CPED1: variants seen among roughly 807,000 people sequenced by gnomAD.
The protein encoded by CPED1 is cadherin-like and PC-esterase domain-containing protein 1.
A neutral mutation model predicts 128.2 loss-of-function variants in CPED1; 114 were observed. The observed-to-expected ratio is 0.89, with a 90% CI of 0.76 to 1.04. The LOEUF (loss-of-function observed/expected upper bound fraction) is 1.04, where lower values mean the gene tolerates loss of function less well. CPED1 is among the 50% of genes least tolerant of loss of function. CPED1 has a pLI of 0.00. For synonymous variants in CPED1, 462 were observed against 426.7 expected, an observed-to-expected ratio of 1.08 and a Z score of -1.02; for missense variants, 1,211 against 1,207.1, an observed-to-expected ratio of 1.00 and a Z score of -0.05.
intron 2 of CPED1, among the ~76,000 whole-genome samples, chr7:121,002,131 C>T (rs114135625): frequency 0.012 from 1,860 of 152,248 alleles, 37 homozygotes; most frequent in African/African-American, 0.042. Context: ...CAAAATTGTG[C>T]TGCTACAATT....
Position 121,167,478 on chromosome 7 carries a change from C to A in CPED1, c.2055+25337C>A, listed in dbSNP as rs76152845. Among the ~76,000 whole-genome samples the A allele has an allele frequency of 4.2e-3, 641 of 152,250 alleles. 1 individual carries two copies. The highest frequency in any genetic ancestry group is 0.011 in the African/African-American group (468 of 41,558). ...TGGAGAGTTTTGTTTAATTTATAAG[C>A]ATCGTATTCTAACAAGGTGAGCAGT... is the stretch of plus-strand genomic sequence containing the variant. On this transcript the variant is annotated intron_variant, in intron 16 of 22. Transcript: ENST00000310396.
chr7:121,236,340 GTTAAA>G (rs1037935119), intron 16 of CPED1, among the ~76,000 whole-genome samples: 48 of 152,224 alleles, frequency 3.2e-4, no homozygotes, highest in Admixed American at 1.8e-3. Context: ...AAATTCATCT[GTTAAA>G]TTAAATTCTC....
At chr7:121,183,789 T>A (rs190595367) in intron 16 of CPED1, among the ~76,000 whole-genome samples, 81 of 152,336 alleles carry the variant, frequency 5.3e-4, no homozygotes, top group African/African-American at 1.9e-3. Context: ...GTTTAAGTTC[T>A]GGTAACTGGA....
intron 16 of CPED1, among the ~76,000 whole-genome samples, chr7:121,146,860 T>G (rs1324191737): frequency 6.6e-6 from 1 of 152,160 alleles, no homozygotes; most frequent in Non-Finnish European, 1.5e-5. Flanking sequence ...AGAGTTAATT[T>G]ACATAACATA....
intron 16 of CPED1, among the ~76,000 whole-genome samples, chr7:121,170,248 A>G (rs1796623047): frequency 6.6e-6 from 1 of 152,220 alleles, no homozygotes; most frequent in Non-Finnish European, 1.5e-5. Context: ...CATCAGACAC[A>G]TCATCAGGAC....
chr7:121,165,188 C>T (rs866563464), intron 16 of CPED1, among the ~76,000 whole-genome samples: 9 of 152,096 alleles, frequency 5.9e-5, no homozygotes, highest in African/African-American at 1.9e-4. Flanking sequence ...TATCAAGCAT[C>T]AGATAAAAGA....
intron 7 of CPED1, among the ~76,000 whole-genome samples, chr7:121,115,209 C>T (rs1391878743): frequency 6.6e-6 from 1 of 152,074 alleles, no homozygotes; most frequent in African/African-American, 2.4e-5. Context: ...TTATATTTGA[C>T]CAGATGCTAA....
intron 18 of CPED1, among the ~76,000 whole-genome samples, chr7:121,249,691 G>A (rs577425335): frequency 6.6e-6 from 1 of 152,092 alleles, no homozygotes; most frequent in South Asian, 2.1e-4. Flanking sequence ...TGCTGAACAT[G>A]GAATTAAAAG....
chr7:121,029,307 A>G (rs1031820257), intron 3 of CPED1, among the ~76,000 whole-genome samples: 3 of 152,170 alleles, frequency 2.0e-5, no homozygotes, highest in Admixed American at 2.0e-4. Context: ...AGGTTAAGTC[A>G]TTTCTCATCA....
At chr7:121,048,280 G>GA (rs1793266527) in intron 4 of CPED1, among the ~76,000 whole-genome samples, 1 of 152,152 alleles carries the variant, frequency 6.6e-6, no homozygotes, top group Non-Finnish European at 1.5e-5. Flanking sequence ...TCAACCTGGC[G>GA]AAAACTGACT....
At chr7:121,043,501 T>G (rs1193659950) in intron 3 of CPED1, among the ~76,000 whole-genome samples, 1 of 152,160 alleles carries the variant, frequency 6.6e-6, no homozygotes, top group Non-Finnish European at 1.5e-5. Flanking sequence ...ATAAAACCAA[T>G]TTATCTAATG....
At chr7:121,270,748 A>G (rs1386166516) in intron 21 of CPED1, among the ~76,000 whole-genome samples, 1 of 151,930 alleles carries the variant, frequency 6.6e-6, no homozygotes, top group African/African-American at 2.4e-5. Context: ...CTGTTTTTGT[A>G]CCAAAACCAT....
At chr7:121,188,228 A>G (rs1797049101) in intron 16 of CPED1, among the ~76,000 whole-genome samples, 1 of 152,162 alleles carries the variant, frequency 6.6e-6, no homozygotes, top group Admixed American at 6.5e-5. Context: ...ACGATTGACC[A>G]TATGTTGATA....
chr7:121,068,431 G>A (rs1028664320), intron 5 of CPED1, among the ~76,000 whole-genome samples: 27 of 151,918 alleles, frequency 1.8e-4, no homozygotes, highest in Non-Finnish European at 3.4e-4. Flanking sequence ...TTGTAGATAT[G>A]TGGCATTATT....
At chr7:120,991,376 A>T (rs1295158873) in intron 2 of CPED1, among the ~76,000 whole-genome samples, 1 of 152,222 alleles carries the variant, frequency 6.6e-6, no homozygotes, top group African/African-American at 2.4e-5. Context: ...CATTTATACT[A>T]GCATTAACTT....
intron 7 of CPED1, among the ~76,000 whole-genome samples, chr7:121,106,230 C>A (rs1794972776): frequency 6.6e-6 from 1 of 152,018 alleles, no homozygotes. Flanking sequence ...TTAATTCAGG[C>A]ATATTTTCCC....
chr7:121,257,025 G>A (rs1106040), intron 18 of CPED1, among the ~76,000 whole-genome samples: 63,084 of 151,758 alleles, frequency 0.42, 13,561 homozygotes, highest in Middle Eastern at 0.52. Context: ...ACATTAAGCA[G>A]ACATGGACAT....
intron 22 of CPED1, among the ~76,000 whole-genome samples, chr7:121,281,860 T>C (rs1179432562): frequency 6.6e-6 from 1 of 152,164 alleles, no homozygotes; most frequent in African/African-American, 2.4e-5. Context: ...ACAATGCTGA[T>C]CAAACAGATT....
intron 17 of CPED1, among the ~76,000 whole-genome samples, chr7:121,240,078 A>G (rs1798353967): frequency 6.6e-6 from 1 of 152,226 alleles, no homozygotes; most frequent in African/African-American, 2.4e-5. Context: ...TTGTTAACCA[A>G]TGCAAAAATG....
Sources: gnomAD v4.1 joint callset for allele counts (sites outside exome capture counted in the v4.1 genomes callset) on GRCh38, gnomAD v4.1.1 for gene constraint, MANE v1.5 for transcripts, NCBI Gene and HGNC (gene_info 2026-07-23, HGNC 2026-07-21) for gene names.